The following XKR4 variants were observed in gnomAD, a reference collection of about 807,000 sequenced individuals.
The protein encoded by XKR4 is XK-related protein 4.
In XKR4, 12 loss-of-function variants were observed where a neutral mutation model predicts 53.9. The ratio of observed to expected loss-of-function variants is 0.22; its 90% CI spans 0.14 to 0.36. XKR4 has a LOEUF of 0.36. Ranked by LOEUF, XKR4 falls within the 10% of genes least tolerant of loss-of-function variation. The pLI, the probability that XKR4 is intolerant of heterozygous loss-of-function variation, is 1.00. For missense variants in XKR4, 799 were observed against 859.5 expected (o/e 0.93, Z 0.88); for synonymous variants, 354 against 362.4 (o/e 0.98, Z 0.26).
At chr8:55,474,257 T>C (rs937813096) in intron 2 of XKR4, among the ~76,000 whole-genome samples, 11 of 152,186 alleles carry the variant, frequency 7.2e-5, no homozygotes, top group African/African-American at 2.4e-4. Context: ...TACTGATCAC[T>C]GATGGACAGT....
chr8:55,434,124 A>T (rs1197968999), intron 2 of XKR4, among the ~76,000 whole-genome samples: 1 of 152,210 alleles, frequency 6.6e-6, no homozygotes, highest in Non-Finnish European at 1.5e-5. Flanking sequence ...TTTACTTATT[A>T]AAAAATAAGT....
chr8:55,195,721 T>A (rs1267768895), intron 1 of XKR4, among the ~76,000 whole-genome samples: 1 of 152,256 alleles, frequency 6.6e-6, no homozygotes, highest in African/African-American at 2.4e-5. Context: ...TAAGCACTTT[T>A]AGGTTTCTAC....
At chr8:55,150,073 T>C (rs1171591427) in intron 1 of XKR4, among the ~76,000 whole-genome samples, 1 of 152,230 alleles carries the variant, frequency 6.6e-6, no homozygotes, top group Non-Finnish European at 1.5e-5. Flanking sequence ...CTTCTATTTT[T>C]CATCTGTAAA....
Position 55,456,613 on chromosome 8 carries a change from C to A in XKR4, c.1007-66668C>A, listed in dbSNP as rs549850250. Among the ~76,000 whole-genome samples the A allele has an allele frequency of 3.3e-5, 5 of 152,038 alleles. No homozygotes were observed. The East Asian group carries it at 7.7e-4, about 24-fold the overall frequency. ...AGTGAAAAAGAACCAAATAGAAATT[C>A]CAGAGTTGAAAAGTATTTTCAATAT... On this transcript the variant is annotated intron_variant, in intron 2 of 2. Transcript: ENST00000327381.
intron 1 of XKR4, among the ~76,000 whole-genome samples, chr8:55,178,606 T>C (rs1415298099): frequency 6.6e-6 from 1 of 152,222 alleles, no homozygotes; most frequent in East Asian, 1.9e-4. Flanking sequence ...TGTACTGTGG[T>C]GGAAGAGAGA....
chr8:55,391,400 G>A (rs1804440794), intron 2 of XKR4, among the ~76,000 whole-genome samples: 1 of 152,158 alleles, frequency 6.6e-6, no homozygotes, highest in South Asian at 2.1e-4. Context: ...TTCTTATATA[G>A]CTACACAGTG....
rs1491144606 is a variant in XKR4 at position 55,529,240 on chromosome 8, T to TAC, written c.*5014_*5015insCA. On this transcript the variant is annotated 3_prime_UTR_variant, in exon 3 of 3. Coordinates refer to ENST00000327381, the MANE Select transcript of XKR4 (RefSeq NM_052898.2). ...GAAGTGCCAAATAGCCATTTGCATT[T>TAC]ATATATATATATTGCAGGCAGTGAC... The TAC allele has an allele frequency of 6.6e-6, 1 of 150,836 alleles. No individual in the cohort carries two copies. The highest frequency in any genetic ancestry group is 1.9e-4 in the East Asian group (1 of 5,182). The allele number at this position is 150,836 out of a possible 1,614,324, so 9.3% of individuals were successfully genotyped here.
chr8:55,429,274 T>A (rs910188630), intron 2 of XKR4, among the ~76,000 whole-genome samples: 1 of 152,164 alleles, frequency 6.6e-6, no homozygotes, highest in African/African-American at 2.4e-5. Flanking sequence ...CAAGAATTAA[T>A]TCAAAATGGA....
intron 1 of XKR4, among the ~76,000 whole-genome samples, chr8:55,316,457 A>C (rs1200892736): frequency 1.3e-5 from 2 of 152,206 alleles, no homozygotes; most frequent in African/African-American, 4.8e-5. Context: ...TCCTTTTGTC[A>C]AAGGTGATTA....
At chr8:55,187,811 G>C (rs1477069289) in intron 1 of XKR4, among the ~76,000 whole-genome samples, 1 of 152,208 alleles carries the variant, frequency 6.6e-6, no homozygotes, top group Non-Finnish European at 1.5e-5. Context: ...GAAAACATAT[G>C]ATAGATCAAA....
chr8:55,202,363 A>C (rs1328605132), intron 1 of XKR4, among the ~76,000 whole-genome samples: 1 of 152,202 alleles, frequency 6.6e-6, no homozygotes, highest in Admixed American at 6.5e-5. Flanking sequence ...AAAAAGGGCG[A>C]AGCAACGTAG....
Position 55,537,911 on chromosome 8 carries a change from G to T in XKR4, c.*13684G>T, listed in dbSNP as rs978678290. 1 of 152,172 alleles carries T rather than the reference G, an allele frequency of 6.6e-6. No individual in the cohort carries two copies. Among genetic ancestry groups the T allele is most frequent in the South Asian group, 2.1e-4 (1 of 4,818 alleles). 9.4% of individuals were successfully genotyped at this position (152,172 alleles called of 1,614,324 possible). A position where few individuals can be genotyped will look rare whatever the true frequency, so the allele number is the denominator to read the frequency against. On this transcript the variant is annotated 3_prime_UTR_variant, in exon 3 of 3. Transcript: ENST00000327381. ...CTTTTTACCTTCATGTTACCAACAG[G>T]ATGTTTAGTTGAATCAGCAACAAAG...
intron 2 of XKR4, among the ~76,000 whole-genome samples, chr8:55,424,661 C>T (rs1804987775): frequency 6.6e-6 from 1 of 152,232 alleles, no homozygotes; most frequent in South Asian, 2.1e-4. Context: ...CAAGGGAAAA[C>T]AACCTCCTTG....
At chr8:55,518,011 C>T (rs1806741055) in intron 2 of XKR4, among the ~76,000 whole-genome samples, 1 of 152,158 alleles carries the variant, frequency 6.6e-6, no homozygotes, top group African/African-American at 2.4e-5. Flanking sequence ...CTTTGGCTTG[C>T]CTGTCACAGG....
intron 2 of XKR4, among the ~76,000 whole-genome samples, chr8:55,424,988 T>TA (rs1176986052): frequency 6.6e-6 from 1 of 152,200 alleles, no homozygotes; most frequent in East Asian, 1.9e-4. Flanking sequence ...CTAATTCCCA[T>TA]AAAAAACTGG....
intron 2 of XKR4, among the ~76,000 whole-genome samples, chr8:55,463,977 A>T (rs1268308596): frequency 6.6e-6 from 1 of 152,180 alleles, no homozygotes; most frequent in African/African-American, 2.4e-5. Flanking sequence ...AATTGAGGCA[A>T]TAATTAATAG....
rs1806982593 is a variant in XKR4, at chr8:55,533,290, T to C, written c.*9063T>C. The C allele has an allele frequency of 1.3e-5, 2 of 152,296 alleles. No individual in the cohort carries two copies. The highest frequency in any genetic ancestry group is 2.4e-5 in the African/African-American group (1 of 41,560). The allele number at this position is 152,296 out of a possible 1,614,324, so 9.4% of individuals were successfully genotyped here. On this transcript the variant is annotated 3_prime_UTR_variant, in exon 3 of 3. Coordinates refer to ENST00000327381, the MANE Select transcript of XKR4 (RefSeq NM_052898.2). The stretch of plus-strand genomic sequence containing the variant: ...CTGAGCCCCTTGTGATTTTTTTTAT[T>C]CTATTCAAATTGGGAGCAATAACAC...
At chr8:55,332,711 T>G (rs553867378) in intron 1 of XKR4, among the ~76,000 whole-genome samples, 5 of 152,242 alleles carry the variant, frequency 3.3e-5, no homozygotes, top group Admixed American at 3.3e-4. Context: ...GGTTTAAGTT[T>G]ATCATAGTTG....
Position 55,307,210 on chromosome 8 carries a change from G to A in XKR4, c.807-50468G>A, listed in dbSNP as rs35283050. 8.4e-3 allele frequency among the ~76,000 whole-genome samples: 1,276 copies of A among 152,148 alleles called. 10 individuals are homozygous for A. Among genetic ancestry groups the A allele is most frequent in the Non-Finnish European group, 0.01 (708 of 68,002 alleles). ...CTAAGGGGATGAAAAGACATGCTGC[G>A]GACTGCGAGAAAATATTTGCAGACC... On this transcript the variant is annotated intron_variant, in intron 1 of 2. Transcript: ENST00000327381.
Sources: gnomAD v4.1 joint callset for allele counts (sites outside exome capture counted in the v4.1 genomes callset) on GRCh38, gnomAD v4.1.1 for gene constraint, MANE v1.5 for transcripts, NCBI Gene and HGNC (gene_info 2026-07-23, HGNC 2026-07-21) for gene names.